LRRC4B: variants seen among roughly 807,000 people sequenced by gnomAD.
The protein encoded by LRRC4B is leucine-rich repeat-containing protein 4B.
A neutral mutation model predicts 7.3 loss-of-function variants in LRRC4B; 1 was observed. The observed-to-expected ratio is 0.14, with a 90% confidence interval of 0.05 to 0.65. The LOEUF is 0.65. Ranked by LOEUF, LRRC4B falls within the 30% of genes least tolerant of loss-of-function variation. LRRC4B has a pLI of 0.84. For synonymous variants in LRRC4B, 500 were observed against 499.2 expected (o/e 1.00, Z -0.02); for missense variants, 730 against 1,041.6 (o/e 0.70, Z 4.12).
At chr19:50,557,224 T>C (rs1173899663) in intron 1 of LRRC4B, among the ~76,000 whole-genome samples, 1 of 152,142 alleles carries the variant, frequency 6.6e-6, no homozygotes, top group Non-Finnish European at 1.5e-5. Flanking sequence ...CAGGCTCTTC[T>C]TATAGATCTG....
rs1407253518 is a variant in LRRC4B, at chr19:50,529,686, T to C, written c.298-10271A>G. 2.6e-5 allele frequency among the ~76,000 whole-genome samples: 4 copies of C among 152,026 alleles called. No homozygotes were observed. In the South Asian group the frequency reaches 6.2e-4, roughly 24 times the overall value. On this transcript the variant is annotated intron_variant, in intron 2 of 2. Transcript: ENST00000652263. ...TGGGCGTGATGATGCACGCCTGTAATCCCAGCTACTCAGGAGCCTGAGGCA... is the reference window on the plus strand; with the variant it reads ...TGGGCGTGATGATGCACGCCTGTAACCCCAGCTACTCAGGAGCCTGAGGCA...
intron 2 of LRRC4B, among the ~76,000 whole-genome samples, chr19:50,535,115 G>A (rs143872672): frequency 0.013 from 2,051 of 152,148 alleles, 24 homozygotes; most frequent in Middle Eastern, 0.054. Flanking sequence ...TGATCTGCCC[G>A]CCTTGGCCTC....
chr19:50,562,657 A>G (rs1982505978), intron 1 of LRRC4B, among the ~76,000 whole-genome samples: 1 of 151,458 alleles, frequency 6.6e-6, no homozygotes. Flanking sequence ...TGGGGGGCAC[A>G]GTGAGCCTGG....
intron 1 of LRRC4B, among the ~76,000 whole-genome samples, chr19:50,560,805 T>C (rs1322743193): frequency 6.6e-6 from 1 of 152,160 alleles, no homozygotes; most frequent in Non-Finnish European, 1.5e-5. Context: ...TCATTTATTC[T>C]CGGCCGGGTG....
In LRRC4B at chr19:50,517,829, C is replaced by G; in HGVS notation, c.1884G>C (p.Ser628=). 1 of 1,572,704 alleles carries G rather than the reference C, an allele frequency of 6.4e-7. No homozygotes were observed. ...CGGCCGCGGCGGCCACGGACACGGC[C>G]GAGGCGGCGGGCAGCTCGTCCTCCA... The part of the protein sequence containing the change: ...INVEDELPAA[S]AVSVAAAAAV... The change falls in exon 3 of 3, where the codon TCG becomes TCC. Residue 628 remains serine, a synonymous_variant. Coordinates refer to ENST00000652263, the MANE Select transcript of LRRC4B (RefSeq NM_001080457.2). The surrounding 1 kb of genome is among the most constrained non-coding windows in gnomAD (Gnocchi z 6.6).
chr19:50,542,880 A>G (rs1981611901), intron 2 of LRRC4B, among the ~76,000 whole-genome samples: 1 of 152,082 alleles, frequency 6.6e-6, no homozygotes, highest in South Asian at 2.1e-4. Flanking sequence ...GATGAATGGC[A>G]ACGTTCTAGC....
intron 2 of LRRC4B, among the ~76,000 whole-genome samples, chr19:50,530,584 G>C (rs2122818876): frequency 6.6e-6 from 1 of 152,230 alleles, no homozygotes; most frequent in African/African-American, 2.4e-5. Flanking sequence ...GGTGGAGAGG[G>C]GCCGTTGTCT....
At chr19:50,530,776 A>AGG (rs1240864045) in intron 2 of LRRC4B, among the ~76,000 whole-genome samples, 1 of 149,278 alleles carries the variant, frequency 6.7e-6, no homozygotes, top group Non-Finnish European at 1.5e-5. Flanking sequence ...CGCTGTTTTC[A>AGG]CCCAGGCTGG....
chr19:50,557,414 CG>C (rs1051192018), intron 1 of LRRC4B, among the ~76,000 whole-genome samples: 3 of 152,232 alleles, frequency 2.0e-5, no homozygotes, highest in African/African-American at 7.2e-5. Context: ...ACCCGGCTCC[CG>C]TCCAGTCCCT....
In LRRC4B at chr19:50,563,760, T is replaced by TGACTTTCCAACACTGTGAGG. The variant is rs1457657378; in HGVS notation, c.-36+4164_-36+4183dup. ...GCAACATGGTGCCTTCACGCAACGC[T>TGACTTTCCAACACTGTGAGG]GACTTTCCAACACTGTGAGGGGCTG... On this transcript the variant is annotated intron_variant, in intron 1 of 2. Coordinates refer to ENST00000652263, the MANE Select transcript of LRRC4B (RefSeq NM_001080457.2). The surrounding 1 kb of genome is among the most constrained non-coding windows in gnomAD (Gnocchi z 4.9). 6.6e-6 allele frequency among the ~76,000 whole-genome samples: 1 copy of TGACTTTCCAACACTGTGAGG among 152,212 alleles called. No individual in the cohort carries two copies. The highest frequency in any genetic ancestry group is 2.4e-5 in the African/African-American group (1 of 41,450).
intron 1 of LRRC4B, among the ~76,000 whole-genome samples, chr19:50,551,849 T>C (rs1400310091): frequency 6.6e-6 from 1 of 151,646 alleles, no homozygotes; most frequent in Non-Finnish European, 1.5e-5. Context: ...AAGCTGTGCC[T>C]CAGCTCCCTC....
intron 2 of LRRC4B, among the ~76,000 whole-genome samples, chr19:50,534,730 T>C (rs769631362): frequency 5.9e-5 from 9 of 152,230 alleles, no homozygotes; most frequent in Non-Finnish European, 1.2e-4. Flanking sequence ...AGGTAAATAT[T>C]ACTAAAGCTG....
chr19:50,547,716 C>T (rs992017720), intron 2 of LRRC4B, among the ~76,000 whole-genome samples: 23 of 150,028 alleles, frequency 1.5e-4, no homozygotes, highest in African/African-American at 4.9e-5. Context: ...CCACCCTGCC[C>T]GCCAAAGGAT....
intron 2 of LRRC4B, among the ~76,000 whole-genome samples, chr19:50,543,426 G>A (rs759101211): frequency 2.0e-4 from 31 of 151,686 alleles, no homozygotes; most frequent in Admixed American, 7.2e-4. Flanking sequence ...CTCACAGGGC[G>A]GTGCTTCTCT....
chr19:50,517,567 C>T lies in LRRC4B; in HGVS notation c.*4G>A. On this transcript the variant is annotated 3_prime_UTR_variant, in exon 3 of 3. Coordinates refer to ENST00000652263, the MANE Select transcript of LRRC4B (RefSeq NM_001080457.2). The surrounding 1 kb of genome is among the most constrained non-coding windows in gnomAD (Gnocchi z 6.6). ...ACGCCCCTCGCCCGCCCGGCCCCGC[C>T]GCCTCAGATCTGCGTCTCTTGCACG... 10 of 1,422,334 alleles carry T rather than the reference C, an allele frequency of 7.0e-6. No individual in the cohort carries two copies. Among genetic ancestry groups the T allele is most frequent in the Non-Finnish European group, 8.3e-6 (9 of 1,086,386 alleles). The allele number at this position is 1,422,334 out of a possible 1,614,324, so 88.1% of individuals were successfully genotyped here.
chr19:50,530,930 G>T (rs927808927), intron 2 of LRRC4B, among the ~76,000 whole-genome samples: 8 of 70,260 alleles, frequency 1.1e-4, no homozygotes, highest in South Asian at 4.4e-4. Flanking sequence ...TAGAAACCTG[G>T]GGGGGGGGGG....
At chr19:50,535,172 T>C (rs1378407271) in intron 2 of LRRC4B, among the ~76,000 whole-genome samples, 1 of 151,744 alleles carries the variant, frequency 6.6e-6, no homozygotes, top group East Asian at 1.9e-4. Flanking sequence ...CCGGCCTGTT[T>C]ATTTATTTAT....
intron 2 of LRRC4B, among the ~76,000 whole-genome samples, chr19:50,545,261 G>C (rs1981749169): frequency 6.6e-6 from 1 of 151,852 alleles, no homozygotes; most frequent in Non-Finnish European, 1.5e-5. Context: ...TACAAAATTA[G>C]CCGGGCGTGG....
At chr19:50,545,783 G>A (rs1057183339) in intron 2 of LRRC4B, among the ~76,000 whole-genome samples, 2 of 145,572 alleles carry the variant, frequency 1.4e-5, no homozygotes, top group Non-Finnish European at 3.0e-5. Flanking sequence ...GAGTGCAGTG[G>A]TGAAATCTCA....
Sources: gnomAD v4.1 joint callset for allele counts (sites outside exome capture counted in the v4.1 genomes callset) on GRCh38, gnomAD v4.1.1 for gene constraint, Gnocchi (gnomAD v3.1) non-coding constraint, MANE v1.5 for transcripts, NCBI Gene and HGNC (gene_info 2026-07-23, HGNC 2026-07-21) for gene names.